The following ADK variants were observed in gnomAD, a reference collection of about 807,000 sequenced individuals.
ADK encodes the protein N6,N6-dimethyladenosine kinase.
Under a neutral mutation model 44.7 loss-of-function variants are expected in ADK, and 24 were observed. The observed-to-expected ratio is 0.54, with a 90% confidence interval of 0.39 to 0.76. The LOEUF (loss-of-function observed/expected upper bound fraction) is 0.76, where lower values mean the gene tolerates loss of function less well. Among genes scored for constraint, ADK ranks in the 30% least tolerant of loss-of-function variants. The pLI, the probability that ADK is intolerant of heterozygous loss-of-function variation, is 0.00. For missense variants in ADK, 321 were observed against 425.1 expected (o/e 0.76, Z 2.15); for synonymous variants, 128 against 142.6 (o/e 0.90, Z 0.73).
intron 6 of ADK, among the ~76,000 whole-genome samples, chr10:74,430,207 A>G (rs1039072201): frequency 6.6e-6 from 1 of 152,178 alleles, no homozygotes; most frequent in African/African-American, 2.4e-5. Flanking sequence ...GTTGTAATAT[A>G]ATACAGAGAG....
Position 74,350,858 on chromosome 10 carries a change from C to T in ADK, c.273+36113C>T, listed in dbSNP as rs368133181. Among the ~76,000 whole-genome samples the T allele has an allele frequency of 2.3e-4, 35 of 152,242 alleles. 1 individual carries two copies. Among genetic ancestry groups the T allele is most frequent in the Middle Eastern group, 6.8e-3 (2 of 294 alleles). On this transcript the variant is annotated intron_variant, in intron 4 of 10. Transcript: ENST00000539909. ...CTGGATACATTCCTGGACACATACA[C>T]CCTCCCAAGACTAATCCAGGGAGAA...
chr10:74,465,629 A>G (rs905022301), intron 6 of ADK, among the ~76,000 whole-genome samples: 4 of 152,172 alleles, frequency 2.6e-5, no homozygotes, highest in African/African-American at 4.8e-5. Context: ...AGAATTAGCA[A>G]TGGAGGTGTT....
At chr10:74,201,848 A>G (rs1843407987) in intron 2 of ADK, among the ~76,000 whole-genome samples, 1 of 152,078 alleles carries the variant, frequency 6.6e-6, no homozygotes, top group Non-Finnish European at 1.5e-5. Flanking sequence ...AAGATTAATG[A>G]TGAGAAAGCA....
chr10:74,337,367 T>C (rs907610404), intron 4 of ADK, among the ~76,000 whole-genome samples: 1 of 152,150 alleles, frequency 6.6e-6, no homozygotes, highest in Non-Finnish European at 1.5e-5. Context: ...ACAGAAGACA[T>C]TGCACCTGCC....
intron 6 of ADK, among the ~76,000 whole-genome samples, chr10:74,513,567 AG>A (rs1848434573): frequency 6.6e-6 from 1 of 152,064 alleles, no homozygotes; most frequent in African/African-American, 2.4e-5. Flanking sequence ...GTTTGCTTTT[AG>A]TTTCCATTTG....
chr10:74,240,952 T>G (rs73284257), intron 3 of ADK, among the ~76,000 whole-genome samples: 18,460 of 152,214 alleles, frequency 0.12, 1,148 homozygotes, highest in Middle Eastern at 0.2. Flanking sequence ...GAAACTCCGG[T>G]GTGGAGACAT....
rs114942105 is a variant in ADK at position 74,318,819 on chromosome 10, C to G, written c.273+4074C>G. Among the ~76,000 whole-genome samples the G allele has an allele frequency of 5.2e-3, 795 of 152,260 alleles. 5 individuals carry two copies. The highest frequency in any genetic ancestry group is 0.017 in the African/African-American group (709 of 41,554). On this transcript the variant is annotated intron_variant, in intron 4 of 10. Transcript: ENST00000539909. The stretch of plus-strand genomic sequence containing the variant: ...AAGATAGATGGATATTTTTATAGAA[C>G]TATAAACTAATTCCTATATCTAAAC...
chr10:74,390,604 T>C (rs1052931012), intron 4 of ADK, among the ~76,000 whole-genome samples: 1 of 152,200 alleles, frequency 6.6e-6, no homozygotes, highest in African/African-American at 2.4e-5. Flanking sequence ...TACTGTTTTC[T>C]GATGTGTGAT....
chr10:74,279,205 G>A (rs1002537275), intron 3 of ADK, among the ~76,000 whole-genome samples: 15 of 152,052 alleles, frequency 9.9e-5, no homozygotes, highest in African/African-American at 3.6e-4. Context: ...GCTTGAATCT[G>A]GGAGGCGGAG....
intron 1 of ADK, among the ~76,000 whole-genome samples, chr10:74,153,954 G>A (rs1393336068): frequency 6.6e-6 from 1 of 152,166 alleles, no homozygotes; most frequent in East Asian, 1.9e-4. Context: ...TATATATAGA[G>A]AGAGAAAGAG....
At chr10:74,655,561 C>T in intron 9 of ADK, 1 of 487,328 alleles carries the variant, frequency 2.1e-6, no homozygotes, top group Non-Finnish European at 4.1e-6. Context: ...GGCTGGCTGG[C>T]CCCAAGAAAG....
chr10:74,465,020 C>T (rs1029075323), intron 6 of ADK, among the ~76,000 whole-genome samples: 1 of 151,946 alleles, frequency 6.6e-6, no homozygotes, highest in Non-Finnish European at 1.5e-5. Context: ...GGGTGCTTAC[C>T]TTTCAGTGGG....
chr10:74,664,096 C>T (rs971496101), intron 9 of ADK, among the ~76,000 whole-genome samples: 2 of 152,046 alleles, frequency 1.3e-5, no homozygotes, highest in African/African-American at 2.4e-5. Context: ...TGCTTTGTGA[C>T]GTTGTTTATG....
At chr10:74,258,382 T>A (rs1480719269) in intron 3 of ADK, among the ~76,000 whole-genome samples, 1 of 152,176 alleles carries the variant, frequency 6.6e-6, no homozygotes. Context: ...ATAGCCTTTT[T>A]TCTAATCTTT....
chr10:74,240,392 G>GTGTGTGTGTGTC (rs1554833203), intron 3 of ADK, among the ~76,000 whole-genome samples: 1 of 151,600 alleles, frequency 6.6e-6, no homozygotes, highest in Non-Finnish European at 1.5e-5. Flanking sequence ...GTGTGTGTGT[G>GTGTGTGTGTGTC]TGTGTGTGTC....
At chr10:74,400,825 C>G (rs1843681235) in intron 6 of ADK, among the ~76,000 whole-genome samples, 1 of 152,232 alleles carries the variant, frequency 6.6e-6, no homozygotes, top group Non-Finnish European at 1.5e-5. Flanking sequence ...GATCTACATA[C>G]TCAGCTCTGC....
intron 6 of ADK, among the ~76,000 whole-genome samples, chr10:74,444,729 C>G (rs1845537329): frequency 6.6e-6 from 1 of 151,916 alleles, no homozygotes; most frequent in African/African-American, 2.4e-5. Flanking sequence ...AGTTTAAATT[C>G]TTTTTCTTTA....
intron 3 of ADK, among the ~76,000 whole-genome samples, chr10:74,283,634 CT>C (rs1222253796): frequency 3.7e-3 from 436 of 118,706 alleles, no homozygotes; most frequent in Non-Finnish European, 3.6e-3. Context: ...TCATCTTCAT[CT>C]TTTTTTTTTT....
rs1373441429 is a variant in ADK, at chr10:74,708,575, A to G, written c.*130A>G. 9.7e-7 allele frequency: 1 copy of G among 1,026,452 alleles called. No homozygotes were observed. The highest frequency in any genetic ancestry group is 1.4e-6 in the Non-Finnish European group (1 of 697,638). 63.6% of individuals were successfully genotyped at this position (1,026,452 alleles called of 1,614,324 possible). A position where few individuals can be genotyped will look rare whatever the true frequency, so the allele number is the denominator to read the frequency against. On this transcript the variant is annotated 3_prime_UTR_variant, in exon 11 of 11. Coordinates refer to ENST00000539909, the MANE Select transcript of ADK (RefSeq NM_006721.4). ...CTATAATAATGCTGAATCTTAATTT[A>G]GAGGGTACAAGGGTATGGTAATGCT... is the stretch of plus-strand genomic sequence containing the variant.
Sources: allele counts gnomAD v4.1 joint callset (sites outside exome capture counted in the v4.1 genomes callset), GRCh38; gene constraint gnomAD v4.1.1; transcripts MANE v1.5; gene names NCBI Gene and HGNC (gene_info 2026-07-23, HGNC 2026-07-21).